Variants in ACSS3 observed in about 807,000 individuals in gnomAD.
ACSS3 encodes acyl-CoA synthetase short-chain family member 3, mitochondrial.
A neutral mutation model predicts 84.2 loss-of-function variants in ACSS3; 64 were observed. The observed-to-expected ratio is 0.76, with a 90% CI of 0.62 to 0.94. The LOEUF (loss-of-function observed/expected upper bound fraction) is 0.94, where lower values mean the gene tolerates loss of function less well. ACSS3 is among the 40% of genes least tolerant of loss of function. The pLI is 0.00. For missense variants in ACSS3, 815 were observed against 867.6 expected, an observed-to-expected ratio of 0.94 and a Z score of 0.76; for synonymous variants, 317 against 310.1, an observed-to-expected ratio of 1.02 and a Z score of -0.23.
At chr12:81,221,101 ATTTAC>A (rs746831851) in intron 11 of ACSS3, among the ~76,000 whole-genome samples, 10 of 151,996 alleles carry the variant, frequency 6.6e-5, no homozygotes, top group Non-Finnish European at 8.8e-5. Flanking sequence ...AAATATTTAA[ATTTAC>A]TTTAATTACA....
At chr12:81,246,563 A>G (rs1219717233) in intron 13 of ACSS3, among the ~76,000 whole-genome samples, 6 of 152,184 alleles carry the variant, frequency 3.9e-5, no homozygotes, top group Non-Finnish European at 8.8e-5. Flanking sequence ...TTGTATTTCA[A>G]GTTCTTATGT....
At chr12:81,214,757 C>T (rs1045266451) in intron 9 of ACSS3, among the ~76,000 whole-genome samples, 2 of 152,268 alleles carry the variant, frequency 1.3e-5, no homozygotes, top group Middle Eastern at 3.4e-3. Context: ...AGAGTGATAA[C>T]GTCTTTCATG....
chr12:81,188,413 G>T (rs1796016373), intron 8 of ACSS3, among the ~76,000 whole-genome samples: 1 of 151,968 alleles, frequency 6.6e-6, no homozygotes, highest in South Asian at 2.1e-4. Flanking sequence ...AATTTTAAAA[G>T]TTATAATTAT....
At chr12:81,103,950 T>A (rs1175295372) in intron 1 of ACSS3, among the ~76,000 whole-genome samples, 1 of 151,450 alleles carries the variant, frequency 6.6e-6, no homozygotes, top group Non-Finnish European at 1.5e-5. Context: ...TAGGGAAAGG[T>A]TTTTTAAAAT....
At chr12:81,179,728 G>A (rs12826521) in intron 8 of ACSS3, among the ~76,000 whole-genome samples, 95,906 of 147,614 alleles carry the variant, frequency 0.65, 31,729 homozygotes, top group Non-Finnish European at 0.73. Context: ...CTGAGATCGC[G>A]CCACTGCACT....
At chr12:81,232,459 A>T (rs577466205) in intron 12 of ACSS3, among the ~76,000 whole-genome samples, 1 of 151,956 alleles carries the variant, frequency 6.6e-6, no homozygotes, top group African/African-American at 2.4e-5. Context: ...GAGATGAACC[A>T]AAATAGTCAG....
At chr12:81,196,481 T>C (rs938755689) in intron 8 of ACSS3, among the ~76,000 whole-genome samples, 6 of 152,182 alleles carry the variant, frequency 3.9e-5, no homozygotes, top group Middle Eastern at 3.2e-3. Context: ...CCTTATTCTT[T>C]TTTTTCTCTG....
intron 7 of ACSS3, among the ~76,000 whole-genome samples, chr12:81,158,676 A>G (rs1887002617): frequency 6.6e-6 from 1 of 152,008 alleles, no homozygotes; most frequent in Admixed American, 6.5e-5. Flanking sequence ...AGTTATTCTT[A>G]TGCTCATTCC....
chr12:81,237,755 C>G (rs2033673077), intron 13 of ACSS3, among the ~76,000 whole-genome samples: 1 of 151,634 alleles, frequency 6.6e-6, no homozygotes, highest in Non-Finnish European at 1.5e-5. Flanking sequence ...TACATATATA[C>G]GATCAGGTTG....
intron 13 of ACSS3, among the ~76,000 whole-genome samples, chr12:81,236,896 C>G (rs1046524988): frequency 6.6e-6 from 1 of 151,202 alleles, no homozygotes; most frequent in Non-Finnish European, 1.5e-5. Flanking sequence ...CCACCTTACC[C>G]TAGGTCTTAT....
intron 1 of ACSS3, among the ~76,000 whole-genome samples, chr12:81,085,630 G>A (rs1881261124): frequency 6.6e-6 from 1 of 152,206 alleles, no homozygotes; most frequent in Non-Finnish European, 1.5e-5. Flanking sequence ...TCCGAAGGCA[G>A]GTTGCCAAAT....
intron 1 of ACSS3, among the ~76,000 whole-genome samples, chr12:81,091,502 C>T (rs1252653918): frequency 1.3e-5 from 2 of 151,880 alleles, no homozygotes; most frequent in South Asian, 2.1e-4. Flanking sequence ...GCATGAGCAT[C>T]GTTTTACTTC....
intron 10 of ACSS3, among the ~76,000 whole-genome samples, chr12:81,217,898 A>T (rs2135944736): frequency 6.6e-6 from 1 of 152,268 alleles, no homozygotes; most frequent in African/African-American, 2.4e-5. Context: ...ATCCCAAAAG[A>T]AAACATTTCT....
chr12:81,192,870 C>T (rs536078939), intron 8 of ACSS3, among the ~76,000 whole-genome samples: 63 of 152,168 alleles, frequency 4.1e-4, no homozygotes, highest in African/African-American at 1.5e-3. Flanking sequence ...CCTTTTGATG[C>T]CTTAAGTGCT....
intron 9 of ACSS3, among the ~76,000 whole-genome samples, chr12:81,209,094 G>A (rs2032476596): frequency 1.3e-5 from 2 of 152,108 alleles, no homozygotes; most frequent in South Asian, 4.2e-4. Context: ...TACATTCTGT[G>A]ATTTGCTACT....
intron 2 of ACSS3, among the ~76,000 whole-genome samples, chr12:81,119,751 T>A (rs1043475267): frequency 1.1e-4 from 17 of 152,208 alleles, no homozygotes; most frequent in African/African-American, 4.1e-4. Flanking sequence ...ACTGTTATTC[T>A]GTTCTTTTTC....
Position 81,253,316 on chromosome 12 carries a change from T to C in ACSS3, c.1729T>C (p.Ser577Pro). The change falls in exon 14 of 16, where the codon TCC becomes CCC. Residue 577 changes from serine (S) to proline (P), a missense_variant. Physicochemically the swap from Ser to Pro is moderately conservative, Grantham distance 74. Coordinates refer to ENST00000548058, the MANE Select transcript of ACSS3 (RefSeq NM_024560.4). ...CCTTTCCTTATTACAGTCAATCCTTTCCCATGGTACCGTGGCAGACTGTGC... is the reference window on the plus strand; with the variant it reads ...CCTTTCCTTATTACAGTCAATCCTTCCCCATGGTACCGTGGCAGACTGTGC... ...SAGAIEESIL[S>P]HGTVADCAVV... 1 of 1,613,804 alleles carries C rather than the reference T, an allele frequency of 6.2e-7. No homozygotes were observed. Among genetic ancestry groups the C allele is most frequent in the Non-Finnish European group, 8.5e-7 (1 of 1,179,792 alleles).
At position 81,236,224 on chromosome 12, in the gene ACSS3, T is replaced by G. The variant is rs574029375; in HGVS notation, c.1719+2753T>G. On this transcript the variant is annotated intron_variant, in intron 13 of 15. Transcript: ENST00000548058. ...TTCTGCCTCTATTAATAGGAATATG[T>G]GATTTTTCTTTTTAACAATGTTACG... is the stretch of plus-strand genomic sequence containing the variant. Among the ~76,000 whole-genome samples, 27 of 151,682 alleles carry G rather than the reference T, an allele frequency of 1.8e-4. No homozygotes were observed. The South Asian group carries it at 5.2e-3, about 29-fold the overall frequency.
intron 11 of ACSS3, among the ~76,000 whole-genome samples, chr12:81,228,762 G>T (rs975740209): frequency 1.3e-5 from 2 of 151,722 alleles, no homozygotes. Flanking sequence ...CTCAGCTGTT[G>T]TAAAGAGCAC....
Sources: gnomAD v4.1 joint callset for allele counts (sites outside exome capture counted in the v4.1 genomes callset) on GRCh38, gnomAD v4.1.1 for gene constraint, MANE v1.5 for transcripts, NCBI Gene and HGNC (gene_info 2026-07-23, HGNC 2026-07-21) for gene names.